Variants in BUB3 observed in about 807,000 individuals in gnomAD.
The protein encoded by BUB3 is mitotic checkpoint protein BUB3.
Under a neutral mutation model 39.9 loss-of-function variants are expected in BUB3, and 22 were observed. The ratio of observed to expected loss-of-function variants is 0.55; its 90% CI spans 0.39 to 0.79. BUB3 has a LOEUF of 0.79. Among genes scored for constraint, BUB3 ranks in the 30% least tolerant of loss-of-function variants. The pLI, the probability that BUB3 is intolerant of heterozygous loss-of-function variation, is 0.00. For synonymous variants in BUB3, 168 were observed against 155.1 expected, an observed-to-expected ratio of 1.08 and a Z score of -0.62; for missense variants, 303 against 415.4, an observed-to-expected ratio of 0.73 and a Z score of 2.35.
rs1844490068 is a variant in BUB3 at position 123,166,132 on chromosome 10, AC to A, written c.*2299del. The A allele has an allele frequency of 6.6e-6, 1 of 152,018 alleles. No individual in the cohort carries two copies. The highest frequency in any genetic ancestry group is 2.4e-5 in the African/African-American group (1 of 41,374). The allele number at this position is 152,018 out of a possible 1,614,324, so 9.4% of individuals were successfully genotyped here. A position where few individuals can be genotyped will look rare whatever the true frequency, so the allele number is the denominator to read the frequency against. ...AATTTACTTGTTTATGGTTATAGCT[AC>A]CTTTTCCCCAAGTTACCCAGGTGTA... On this transcript the variant is annotated 3_prime_UTR_variant, in exon 8 of 8. Coordinates refer to ENST00000368865, the MANE Select transcript of BUB3 (RefSeq NM_004725.4).
chr10:123,165,729 T>A lies in BUB3; in HGVS notation c.*1894T>A, dbSNP rs536913145. ...CTTAGGTAGCTTGTGCATCCCCGTG[T>A]TGATGTAGTCATAGTCCACACAGAG... On this transcript the variant is annotated 3_prime_UTR_variant, in exon 8 of 8. Coordinates refer to ENST00000368865, the MANE Select transcript of BUB3 (RefSeq NM_004725.4). 3 of 152,342 alleles carry A rather than the reference T, an allele frequency of 2.0e-5. No homozygotes were observed. Among genetic ancestry groups the A allele is most frequent in the Non-Finnish European group, 4.4e-5 (3 of 68,088 alleles). 9.4% of individuals were successfully genotyped at this position (152,342 alleles called of 1,614,324 possible). A position where few individuals can be genotyped will look rare whatever the true frequency, so the allele number is the denominator to read the frequency against.
Position 123,162,744 on chromosome 10 carries a change from C to T in BUB3, c.887C>T (p.Ser296Leu). 6.2e-7 allele frequency: 1 copy of T among 1,614,038 alleles called. No homozygotes were observed. The highest frequency in any genetic ancestry group is 8.5e-7 in the Non-Finnish European group (1 of 1,179,978). ...GGGACTACGCTTGCAATAGCGTCAT[C>T]ATATATGTATGAAATGGATGACACA... ...NDGTTLAIAS[S>L]YMYEMDDTEH... is the part of the protein sequence containing the mutation. Residue 296 changes from serine (S) to leucine (L), a missense_variant, in exon 7 of 8, where the codon TCA becomes TTA. By Grantham distance (145) the Ser-to-Leu change is moderately radical. Transcript: ENST00000368865.
chr10:123,160,336 T>A (rs912924173), intron 4 of BUB3, 71 bp from the exon 5 acceptor site: 1 of 1,397,586 alleles, frequency 7.2e-7, no homozygotes, highest in Non-Finnish European at 9.5e-7. Flanking sequence ...TCAGATGGAC[T>A]TTATTTTGGG....
rs1405722434 is a variant in BUB3 at position 123,160,532 on chromosome 10, G to C, written c.543G>C (p.Gln181His). Residue 181 changes from glutamine (Q) to histidine (H), a missense_variant, in exon 5 of 8, where the codon CAG (glutamine) becomes CAC (histidine). Gln to His is a conservative substitution (Grantham distance 24). This residue lies in a region of BUB3 where 182 missense variants were observed against 293.1 expected (regional missense o/e 0.62). Transcript: ENST00000368865. ...QQRRESSLKY[Q>H]TRCIRAFPNK... ...GCAGGGAGTCCAGCCTGAAATACCA[G>C]ACTCGCTGCATACGAGCGTTTCCAA... 1.2e-6 allele frequency: 2 copies of C among 1,610,184 alleles called. No individual in the cohort carries two copies. Among genetic ancestry groups the C allele is most frequent in the Non-Finnish European group, 1.7e-6 (2 of 1,178,924 alleles).
rs1262677487 is a variant in BUB3, at chr10:123,167,864, A to G, written c.*4029A>G. 1 of 150,306 alleles carries G rather than the reference A, an allele frequency of 6.7e-6. No homozygotes were observed. Among genetic ancestry groups the G allele is most frequent in the East Asian group, 1.9e-4 (1 of 5,206 alleles). The allele number at this position is 150,306 out of a possible 1,614,324, so 9.3% of individuals were successfully genotyped here. On this transcript the variant is annotated 3_prime_UTR_variant, in exon 8 of 8. Transcript: ENST00000368865. ...TATACATTGTGAAATGATTACCACAAGGAGGTTACTAAACATCTCCATCAC... is the reference window on the plus strand; with the variant it reads ...TATACATTGTGAAATGATTACCACAGGGAGGTTACTAAACATCTCCATCAC...
rs1206237714 is a variant in BUB3 at position 123,155,068 on chromosome 10, C to T, written c.151C>T (p.Leu51Phe). ...CGATGTGCCGGCCAACTCCATGCGG[C>T]TCAAGTACCAGCACACCGGCGCCGT... ...LYDVPANSMRLKYQHTGAVLD... is the reference protein window; with the variant it reads ...LYDVPANSMRFKYQHTGAVLD... The change falls in exon 2 of 8, where the codon CTC becomes TTC. Residue 51 changes from leucine to phenylalanine, a missense_variant. This residue lies in a region of BUB3 where 121 missense variants were observed against 122.3 expected (regional missense o/e 0.99). Transcript: ENST00000368865. The T allele has an allele frequency of 6.2e-7, 1 of 1,614,162 alleles. No individual in the cohort carries two copies. The highest frequency in any genetic ancestry group is 8.5e-7 in the Non-Finnish European group (1 of 1,180,032).
At chr10:123,156,615 A>G (rs1372524830) in intron 3 of BUB3, among the ~76,000 whole-genome samples, 2 of 152,156 alleles carry the variant, frequency 1.3e-5, no homozygotes, top group Admixed American at 6.5e-5. Flanking sequence ...TCTAGGTTCT[A>G]TTTGTTCAGA....
At chr10:123,156,338 A>G (rs1415195540) in intron 3 of BUB3, among the ~76,000 whole-genome samples, 2 of 152,228 alleles carry the variant, frequency 1.3e-5, no homozygotes, top group African/African-American at 2.4e-5. Flanking sequence ...GCCCAAATGC[A>G]TAGAGCTCTC....
chr10:123,155,687 A>C lies in BUB3; in HGVS notation c.225A>C (p.Leu75=). ...CAACGCATGCCTGGAGTGGAGGACT[A>C]GATCATCAATTGAAAATGCATGATT... ...YDPTHAWSGG[L]DHQLKMHDLN... Residue 75 remains leucine, a synonymous_variant, in exon 3 of 8, where the codon CTA becomes CTC. Transcript: ENST00000368865. 1 of 1,614,180 alleles carries C rather than the reference A, an allele frequency of 6.2e-7. No individual in the cohort carries two copies. The highest frequency in any genetic ancestry group is 8.5e-7 in the Non-Finnish European group (1 of 1,180,008).
chr10:123,162,472 A>T, intron 6 of BUB3, 59 bp downstream of exon 6: 1 of 1,583,504 alleles, frequency 6.3e-7, no homozygotes, highest in Non-Finnish European at 8.6e-7. Flanking sequence ...CTTGCTTTTT[A>T]TGGTATTTAG....
Position 123,164,155 on chromosome 10 carries a change from G to T in BUB3, c.*320G>T. Reference sequence around the variant, plus strand: ...TGTGGAAATAAATGTTTGTAAATAAGTGTAATAAAAATCCCTTTGCATTCT... The same window carrying T: ...TGTGGAAATAAATGTTTGTAAATAATTGTAATAAAAATCCCTTTGCATTCT... On this transcript the variant is annotated 3_prime_UTR_variant, in exon 8 of 8. Coordinates refer to ENST00000368865, the MANE Select transcript of BUB3 (RefSeq NM_004725.4). 9.5e-7 allele frequency: 1 copy of T among 1,052,560 alleles called. No individual in the cohort carries two copies. Among genetic ancestry groups the T allele is most frequent in the Non-Finnish European group, 1.1e-6 (1 of 874,970 alleles). 65.2% of individuals were successfully genotyped at this position (1,052,560 alleles called of 1,614,324 possible).
At chr10:123,156,939 T>TCTACTAAAGACA (rs1844357438) in intron 3 of BUB3, among the ~76,000 whole-genome samples, 1 of 152,078 alleles carries the variant, frequency 6.6e-6, no homozygotes, top group East Asian at 1.9e-4. Context: ...GAGGCGGGGT[T>TCTACTAAAGACA]TCACTGTGTT....
At position 123,157,852 on chromosome 10, in the gene BUB3, A is replaced by G. The variant is rs1301572511; in HGVS notation, c.389A>G (p.Asn130Ser). Reference sequence around the variant, plus strand: ...CTGTGGGATCCCAGAACTCCTTGTAATGCTGGGACCTTCTCTCAGCCTGAA... The same window carrying G: ...CTGTGGGATCCCAGAACTCCTTGTAGTGCTGGGACCTTCTCTCAGCCTGAA... ...VKLWDPRTPCNAGTFSQPEKV... is the reference protein window; with the variant it reads ...VKLWDPRTPCSAGTFSQPEKV... Residue 130 changes from asparagine (N) to serine (S), a missense_variant, in exon 4 of 8, where the codon AAT (asparagine) becomes AGT (serine). By Grantham distance (46) the Asn-to-Ser change is conservative (BLOSUM62 1). Transcript: ENST00000368865. The G allele has an allele frequency of 3.7e-6, 6 of 1,613,880 alleles. No individual in the cohort carries two copies. In the South Asian group the frequency reaches 6.6e-5, roughly 18 times the overall value.
Position 123,163,889 on chromosome 10 carries a change from C to T in BUB3, c.*54C>T, listed in dbSNP as rs995039047. 1 of 1,543,838 alleles carries T rather than the reference C, an allele frequency of 6.5e-7. No individual in the cohort carries two copies. The highest frequency in any genetic ancestry group is 1.4e-5 in the African/African-American group (1 of 71,914). On this transcript the variant is annotated 3_prime_UTR_variant, in exon 8 of 8. Transcript: ENST00000368865. ...TGATGATAATAAAACAATTCGTACT[C>T]CCCAATGGTGGATTTATTACTATTA...
chr10:123,162,778 T>G lies in BUB3; in HGVS notation c.921T>G (p.Pro307=). 1 of 1,613,970 alleles carries G rather than the reference T, an allele frequency of 6.2e-7. No individual in the cohort carries two copies. The highest frequency in any genetic ancestry group is 1.1e-5 in the South Asian group (1 of 91,022). ...ATGAAATGGATGACACAGAACATCC[T>G]GAAGATGGTATCTTCATTCGCCAAG... ...YMYEMDDTEH[P]EDGIFIRQVT... is the part of the protein sequence containing the mutation. The change falls in exon 7 of 8, where the codon CCT becomes CCG. Residue 307 remains proline (P), a synonymous_variant. Coordinates refer to ENST00000368865, the MANE Select transcript of BUB3 (RefSeq NM_004725.4).
rs1844318348 is a variant in BUB3 at position 123,154,471 on chromosome 10, T to C, written c.-15T>C. 3.8e-5 allele frequency: 6 copies of C among 157,410 alleles called. No homozygotes were observed. In the South Asian group the frequency reaches 1.1e-3, roughly 29 times the overall value. 9.8% of individuals were successfully genotyped at this position (157,410 alleles called of 1,614,324 possible). A position where few individuals can be genotyped will look rare whatever the true frequency, so the allele number is the denominator to read the frequency against. Reference sequence around the variant, plus strand: ...TGGCGAGTAGTGGAAACGTTGCTTCTGAGGGGAGCCCAAGGTAGGGAGGCG... The same window carrying C: ...TGGCGAGTAGTGGAAACGTTGCTTCCGAGGGGAGCCCAAGGTAGGGAGGCG... On this transcript the variant is annotated 5_prime_UTR_variant, in exon 1 of 8. Coordinates refer to ENST00000368865, the MANE Select transcript of BUB3 (RefSeq NM_004725.4).
In BUB3 at chr10:123,165,005, A is replaced by T; in HGVS notation, c.*1170A>T. 9.4e-6 allele frequency: 15 copies of T among 1,599,352 alleles called. No homozygotes were observed. The highest frequency in any genetic ancestry group is 1.3e-5 in the Non-Finnish European group (15 of 1,174,312). On this transcript the variant is annotated 3_prime_UTR_variant, in exon 8 of 8. Coordinates refer to ENST00000368865, the MANE Select transcript of BUB3 (RefSeq NM_004725.4). ...AAGTATTTCAGTGAAAACTTGGTGTAAGTCTGAACCCATCTTTTGAAATGT... is the reference window on the plus strand; with the variant it reads ...AAGTATTTCAGTGAAAACTTGGTGTTAGTCTGAACCCATCTTTTGAAATGT...
rs1239924207 is a variant in BUB3, at chr10:123,169,208, T to A, written c.*5373T>A. The A allele has an allele frequency of 6.6e-6, 1 of 152,278 alleles. No individual in the cohort carries two copies. Among genetic ancestry groups the A allele is most frequent in the Non-Finnish European group, 1.5e-5 (1 of 68,046 alleles). 9.4% of individuals were successfully genotyped at this position (152,278 alleles called of 1,614,324 possible). ...TCCACTTACGTACCTGTGGCTAAGA[T>A]GCGCCTGAGCAAGTGAGGGCCAGTT... On this transcript the variant is annotated 3_prime_UTR_variant, in exon 8 of 8. Transcript: ENST00000368865.
chr10:123,157,126 T>G (rs568009632), intron 3 of BUB3, among the ~76,000 whole-genome samples: 4 of 152,186 alleles, frequency 2.6e-5, no homozygotes, highest in Non-Finnish European at 5.9e-5. Context: ...AAATGAGATA[T>G]AGTGAGAAGG....
Sources: gnomAD v4.1 joint callset for allele counts (sites outside exome capture counted in the v4.1 genomes callset) on GRCh38, gnomAD v4.1.1 for gene constraint, gnomAD v4.1.1 regional missense constraint, MANE v1.5 for transcripts, NCBI Gene and HGNC (gene_info 2026-07-23, HGNC 2026-07-21) for gene names.